The following CNTN3 variants were observed in gnomAD, a reference collection of about 807,000 sequenced individuals.
CNTN3 encodes the protein contactin 3.
A neutral mutation model predicts 119.1 loss-of-function variants in CNTN3; 60 were observed. That is an observed-to-expected ratio of 0.50 (90% CI 0.41 to 0.62). CNTN3 has a LOEUF of 0.62. Among genes scored for constraint, CNTN3 ranks in the 20% least tolerant of loss-of-function variants. CNTN3 has a pLI of 0.00. For missense variants in CNTN3, 1,101 were observed against 1,242.4 expected, an observed-to-expected ratio of 0.89 and a Z score of 1.71; for synonymous variants, 450 against 438.7, an observed-to-expected ratio of 1.03 and a Z score of -0.32.
At chr3:74,614,106 C>A (rs1261439705) in intron 1 of CNTN3, among the ~76,000 whole-genome samples, 3 of 152,176 alleles carry the variant, frequency 2.0e-5, no homozygotes, top group African/African-American at 4.8e-5. Context: ...AAATCCACTG[C>A]GCGAAGGGCA....
intron 21 of CNTN3, 128 bp from the exon 22 acceptor site, chr3:74,266,777 A>G: frequency 2.6e-6 from 2 of 758,584 alleles, no homozygotes; most frequent in Non-Finnish European, 4.3e-6. Context: ...TTCATTCATG[A>G]CTCTAATTGT....
chr3:74,613,219 A>G (rs1705111592), intron 1 of CNTN3, among the ~76,000 whole-genome samples: 1 of 148,354 alleles, frequency 6.7e-6, no homozygotes, highest in Non-Finnish European at 1.5e-5. Flanking sequence ...CTAGTGTGAT[A>G]TTCATCTCTG....
chr3:74,318,478 G>T (rs1101691), intron 13 of CNTN3, among the ~76,000 whole-genome samples: 47,823 of 151,878 alleles, frequency 0.31, 8,324 homozygotes, highest in East Asian at 0.68. Context: ...TTATCTACTT[G>T]TCGTCTTTGA....
Position 74,263,350 on chromosome 3 carries a change from TC to T in CNTN3, c.*1050del, listed in dbSNP as rs1701610856. 1 of 151,998 alleles carries T rather than the reference TC, an allele frequency of 6.6e-6. No homozygotes were observed. Among genetic ancestry groups the T allele is most frequent in the African/African-American group, 2.4e-5 (1 of 41,398 alleles). The allele number at this position is 151,998 out of a possible 1,614,324, so 9.4% of individuals were successfully genotyped here. On this transcript the variant is annotated 3_prime_UTR_variant, in exon 23 of 23. Coordinates refer to ENST00000263665, the MANE Select transcript of CNTN3 (RefSeq NM_020872.3). ...TTTCATTAAAAAACCATCTCTGCCATCCAAAAAGAGAGGGTCCCTTAATGGA... is the reference window on the plus strand; with the variant it reads ...TTTCATTAAAAAACCATCTCTGCCATCAAAAAGAGAGGGTCCCTTAATGGA...
At chr3:74,483,718 T>C (rs956138392) in intron 4 of CNTN3, among the ~76,000 whole-genome samples, 2 of 152,142 alleles carry the variant, frequency 1.3e-5, no homozygotes, top group African/African-American at 4.8e-5. Flanking sequence ...TGATGCTTTA[T>C]GTTCTAAGAA....
At position 74,614,608 on chromosome 3, in the gene CNTN3, C is replaced by A. The variant is rs926473709; in HGVS notation, c.-298G>T. 6.7e-6 allele frequency among the ~76,000 whole-genome samples: 1 copy of A among 149,298 alleles called. No homozygotes were observed. Among genetic ancestry groups the A allele is most frequent in the Non-Finnish European group, 1.5e-5 (1 of 66,930 alleles). ...AGCCCGCCCGCCGCTGCCACCGCCG[C>A]CGCCGCCAAGCGCCAGGCTGCTGTG... On this transcript the variant is annotated 5_prime_UTR_variant, in exon 1 of 23. Coordinates refer to ENST00000263665, the MANE Select transcript of CNTN3 (RefSeq NM_020872.3).
chr3:74,436,372 C>T (rs960856207), intron 4 of CNTN3, among the ~76,000 whole-genome samples: 4 of 152,154 alleles, frequency 2.6e-5, no homozygotes, highest in Non-Finnish European at 5.9e-5. Flanking sequence ...CTTCCACAGA[C>T]CTCACACCAC....
intron 5 of CNTN3, among the ~76,000 whole-genome samples, chr3:74,377,838 T>G (rs1704518328): frequency 6.6e-6 from 1 of 152,210 alleles, no homozygotes; most frequent in Non-Finnish European, 1.5e-5. Context: ...ACCAGTCAAT[T>G]TAACATGAAA....
intron 5 of CNTN3, among the ~76,000 whole-genome samples, chr3:74,371,921 C>CTG (rs1426576292): frequency 6.6e-6 from 1 of 152,098 alleles, no homozygotes; most frequent in East Asian, 1.9e-4. Flanking sequence ...GGGCCTACAA[C>CTG]TCCTGTTGTC....
At chr3:74,542,101 G>A (rs183160581) in intron 1 of CNTN3, among the ~76,000 whole-genome samples, 3 of 152,160 alleles carry the variant, frequency 2.0e-5, no homozygotes, top group African/African-American at 4.8e-5. Flanking sequence ...AGGCATGGTG[G>A]TGCCCACCTA....
rs146077359 is a variant in CNTN3 at position 74,298,153 on chromosome 3, C to A, written c.2205G>T (p.Gly735=). 1 of 1,606,982 alleles carries A rather than the reference C, an allele frequency of 6.2e-7. No homozygotes were observed. Among genetic ancestry groups the A allele is most frequent in the Non-Finnish European group, 8.5e-7 (1 of 1,175,768 alleles). The change falls in exon 18 of 23, where the codon GGG becomes GGT. Residue 735 remains glycine, a synonymous_variant. Coordinates refer to ENST00000263665, the MANE Select transcript of CNTN3 (RefSeq NM_020872.3). ...CAAGAGGGCGGAAAGCAACAACATA[C>A]CCAAAACCTTCACCATTCTGTAGTT... is the stretch of plus-strand genomic sequence containing the variant. The part of the protein sequence containing the change: ...PEELQNGEGF[G]YVVAFRPLGV...
intron 4 of CNTN3, among the ~76,000 whole-genome samples, chr3:74,428,454 GT>G (rs1212915992): frequency 1.2e-5 from 1 of 81,362 alleles, no homozygotes; most frequent in Non-Finnish European, 2.7e-5. Flanking sequence ...GTAGGCCTAG[GT>G]TAACGTGTGT....
chr3:74,595,174 T>C (rs941601300), intron 1 of CNTN3, among the ~76,000 whole-genome samples: 5 of 151,914 alleles, frequency 3.3e-5, no homozygotes, highest in African/African-American at 9.7e-5. Context: ...TTTGAGTTCA[T>C]TGTAGATTCT....
intron 1 of CNTN3, among the ~76,000 whole-genome samples, chr3:74,564,250 G>A (rs1013768937): frequency 6.6e-6 from 1 of 152,002 alleles, no homozygotes; most frequent in African/African-American, 2.4e-5. Flanking sequence ...CCCAGGCCAA[G>A]GGAACAGTTA....
chr3:74,333,397 G>A lies in CNTN3; in HGVS notation c.1668+1338C>T, dbSNP rs542821874. 4.3e-4 allele frequency among the ~76,000 whole-genome samples: 66 copies of A among 152,270 alleles called. 1 individual carries two copies. Among genetic ancestry groups the A allele is most frequent in the African/African-American group, 1.5e-3 (61 of 41,554 alleles). ...CCAGGCTCCCTGCAAAATCTCTAAG[G>A]GGAAATTCTTCCTTGCCTCTTCCAG... is the stretch of plus-strand genomic sequence containing the variant. On this transcript the variant is annotated intron_variant, in intron 13 of 22. Transcript: ENST00000263665.
intron 1 of CNTN3, among the ~76,000 whole-genome samples, chr3:74,602,856 C>T (rs1177696446): frequency 6.6e-6 from 1 of 152,134 alleles, no homozygotes; most frequent in Non-Finnish European, 1.5e-5. Flanking sequence ...CATGGTCTAG[C>T]TAAGTCTCTT....
chr3:74,599,491 T>G (rs1166986299), intron 1 of CNTN3, among the ~76,000 whole-genome samples: 1 of 152,040 alleles, frequency 6.6e-6, no homozygotes, highest in Non-Finnish European at 1.5e-5. Context: ...AGTTTGGAGA[T>G]GAAACTGCTC....
intron 11 of CNTN3, among the ~76,000 whole-genome samples, chr3:74,353,552 C>G (rs1163758185): frequency 6.6e-6 from 1 of 152,104 alleles, no homozygotes; most frequent in Non-Finnish European, 1.5e-5. Context: ...GTCAGGAGAT[C>G]GAGACCATCC....
chr3:74,554,910 C>T lies in CNTN3; in HGVS notation c.-80-33718G>A, dbSNP rs1431753087. On this transcript the variant is annotated intron_variant, in intron 1 of 22. Coordinates refer to ENST00000263665, the MANE Select transcript of CNTN3 (RefSeq NM_020872.3). ...CTATCTGAATACCCTTTATTGCTTT[C>T]CCTTGCCTGACTGTCCTGGCCAGAA... 2.6e-5 allele frequency among the ~76,000 whole-genome samples: 4 copies of T among 152,308 alleles called. No individual in the cohort carries two copies. The East Asian group carries it at 7.7e-4, about 29-fold the overall frequency.
Sources: gnomAD v4.1 joint callset for allele counts (sites outside exome capture counted in the v4.1 genomes callset) on GRCh38, gnomAD v4.1.1 for gene constraint, MANE v1.5 for transcripts, NCBI Gene and HGNC (gene_info 2026-07-23, HGNC 2026-07-21) for gene names.